Variants in ADAMTSL1 observed in about 807,000 individuals in gnomAD.
ADAMTSL1 encodes ADAMTS-like protein 1.
Under a neutral mutation model 201.8 loss-of-function variants are expected in ADAMTSL1, and 126 were observed. That is an observed-to-expected ratio of 0.62 (90% CI 0.54 to 0.72). The LOEUF (loss-of-function observed/expected upper bound fraction) is 0.72. ADAMTSL1 is among the 30% of genes least tolerant of loss of function. ADAMTSL1 has a pLI of 0.00. For synonymous variants in ADAMTSL1, 1,121 were observed against 903.4 expected (o/e 1.24, Z -4.32); for missense variants, 2,679 against 2,277.8 (o/e 1.18, Z -3.59).
chr9:18,822,205 C>A (rs1824253797), intron 21 of ADAMTSL1, among the ~76,000 whole-genome samples: 1 of 152,122 alleles, frequency 6.6e-6, no homozygotes, highest in African/African-American at 2.4e-5. Flanking sequence ...TATTTTCTGT[C>A]ATTTTCAGGT....
At chr9:18,681,714 G>GGGGGGGAA (rs1564146020) in intron 11 of ADAMTSL1, 98 bp from the exon 12 acceptor site, 2 of 884,496 alleles carry the variant, frequency 2.3e-6, no homozygotes, top group African/African-American at 3.3e-5. Context: ...GGGGGGCGGG[G>GGGGGGGAA]AAAAAGAAAA....
chr9:18,028,910 ATTTG>A (rs1303967684), intron 1 of ADAMTSL1, among the ~76,000 whole-genome samples: 1 of 152,092 alleles, frequency 6.6e-6, no homozygotes, highest in African/African-American at 2.4e-5. Flanking sequence ...ATGGTCTTCC[ATTTG>A]TTTGTGTCGT....
intron 2 of ADAMTSL1, among the ~76,000 whole-genome samples, chr9:18,321,136 A>C (rs879344547): frequency 6.6e-6 from 1 of 152,220 alleles, no homozygotes; most frequent in Non-Finnish European, 1.5e-5. Flanking sequence ...CATGCAGACA[A>C]GTAAGCATGA....
chr9:18,265,708 G>T (rs1832094582), intron 2 of ADAMTSL1, among the ~76,000 whole-genome samples: 1 of 152,016 alleles, frequency 6.6e-6, no homozygotes, highest in Non-Finnish European at 1.5e-5. Context: ...AGAAATTTTT[G>T]CCAAAAATGT....
In ADAMTSL1 at chr9:18,728,049, C is replaced by T. The variant is rs913119254; in HGVS notation, c.2006+6384C>T. Among the ~76,000 whole-genome samples, 4 of 151,766 alleles carry T rather than the reference C, an allele frequency of 2.6e-5. No individual in the cohort carries two copies. In the East Asian group the frequency reaches 7.7e-4, roughly 29 times the overall value. The stretch of plus-strand genomic sequence containing the variant: ...GAGCCAAGATCATGCCATTGCACTC[C>T]AGCCTGGGCAACAGAGTGAGACTCT... On this transcript the variant is annotated intron_variant, in intron 15 of 28. Transcript: ENST00000380548.
intron 20 of ADAMTSL1, 144 bp downstream of exon 20, chr9:18,795,668 C>T (rs1435399401): frequency 9.9e-6 from 9 of 909,682 alleles, no homozygotes; most frequent in Non-Finnish European, 8.2e-6. Context: ...ATTACAACAG[C>T]AGTGTAGTAT....
rs1191582262 is a variant in ADAMTSL1 at position 18,777,702 on chromosome 9, G to C, written c.3473G>C (p.Arg1158Pro). Residue 1158 changes from arginine (R) to proline (P), a missense_variant, in exon 19 of 29, where the codon CGA becomes CCA. By Grantham distance (103) the Arg-to-Pro change is moderately radical. Coordinates refer to ENST00000380548, the MANE Select transcript of ADAMTSL1 (RefSeq NM_001040272.6). ...SSTGDAGGGS[R>P]RPHRKPTILR... is the part of the protein sequence containing the mutation. Reference sequence around the variant, plus strand: ...ACCGGGGACGCCGGGGGAGGCTCTCGAAGGCCACACCGCAAGCCCACCATC... The same window carrying C: ...ACCGGGGACGCCGGGGGAGGCTCTCCAAGGCCACACCGCAAGCCCACCATC... 8.7e-6 allele frequency: 14 copies of C among 1,613,190 alleles called. No homozygotes were observed. Among genetic ancestry groups the C allele is most frequent in the East Asian group, 2.2e-5 (1 of 44,870 alleles).
chr9:18,679,045 T>G (rs1025486456), intron 10 of ADAMTSL1, among the ~76,000 whole-genome samples: 1 of 152,156 alleles, frequency 6.6e-6, no homozygotes, highest in East Asian at 1.9e-4. Flanking sequence ...GGCAGGCAGA[T>G]AACAGTTGTT....
intron 2 of ADAMTSL1, among the ~76,000 whole-genome samples, chr9:18,210,388 CGCT>C (rs1829817863): frequency 3.2e-5 from 1 of 31,652 alleles, no homozygotes; most frequent in Admixed American, 5.7e-4. Context: ...CACACATATA[CGCT>C]AATATTATAT....
At chr9:17,932,687 A>G (rs1826844286) in intron 1 of ADAMTSL1, among the ~76,000 whole-genome samples, 1 of 152,132 alleles carries the variant, frequency 6.6e-6, no homozygotes, top group Admixed American at 6.6e-5. Context: ...GGTGGGGATA[A>G]ATATATTCCC....
At chr9:18,504,470 C>T (rs959437209) in intron 1 of ADAMTSL1, among the ~76,000 whole-genome samples, 15 of 152,216 alleles carry the variant, frequency 9.9e-5, no homozygotes, top group Non-Finnish European at 1.5e-5. Flanking sequence ...CTGAGAGCAG[C>T]TTCTTTCCTT....
intron 4 of ADAMTSL1, among the ~76,000 whole-genome samples, chr9:18,619,762 A>G (rs1189429065): frequency 6.6e-6 from 1 of 152,164 alleles, no homozygotes; most frequent in Non-Finnish European, 1.5e-5. Flanking sequence ...AAATCCTTTG[A>G]GAAACCTGAA....
intron 4 of ADAMTSL1, among the ~76,000 whole-genome samples, chr9:18,600,125 T>C (rs1180649977): frequency 1.3e-5 from 2 of 152,106 alleles, no homozygotes; most frequent in Non-Finnish European, 2.9e-5. Context: ...GGGGCCTCTT[T>C]CACTCACTGC....
chr9:18,018,219 G>A (rs1820336922), intron 1 of ADAMTSL1, among the ~76,000 whole-genome samples: 1 of 152,084 alleles, frequency 6.6e-6, no homozygotes. Flanking sequence ...AGTGGTGATA[G>A]TACTTATATT....
At chr9:17,922,370 A>G (rs983546528) in intron 1 of ADAMTSL1, among the ~76,000 whole-genome samples, 3 of 152,114 alleles carry the variant, frequency 2.0e-5, no homozygotes, top group South Asian at 4.1e-4. Flanking sequence ...CAGTTGTGCT[A>G]TGTTGCATAA....
intron 2 of ADAMTSL1, among the ~76,000 whole-genome samples, chr9:18,238,683 CT>C (rs1282775627): frequency 2.0e-5 from 3 of 152,114 alleles, no homozygotes; most frequent in Admixed American, 6.6e-5. Flanking sequence ...AATGACATAA[CT>C]TTTTTTCTTT....
intron 23 of ADAMTSL1, among the ~76,000 whole-genome samples, chr9:18,850,604 C>T (rs776357123): frequency 1.2e-4 from 18 of 152,208 alleles, no homozygotes; most frequent in Non-Finnish European, 2.4e-4. Flanking sequence ...TTTCCAAATC[C>T]TCAGCATCTG....
intron 2 of ADAMTSL1, among the ~76,000 whole-genome samples, chr9:18,336,796 C>A (rs1356374441): frequency 1.3e-5 from 2 of 152,018 alleles, no homozygotes; most frequent in Non-Finnish European, 2.9e-5. Context: ...CTATTTTTGT[C>A]TATTTATAAA....
chr9:18,513,470 C>G (rs1587422245), intron 2 of ADAMTSL1, among the ~76,000 whole-genome samples: 1 of 152,088 alleles, frequency 6.6e-6, no homozygotes, highest in Non-Finnish European at 1.5e-5. Context: ...GTTGTTCTTT[C>G]CCTTGCCGTG....
Sources: gnomAD v4.1 joint callset for allele counts (sites outside exome capture counted in the v4.1 genomes callset) on GRCh38, gnomAD v4.1.1 for gene constraint, MANE v1.5 for transcripts, NCBI Gene and HGNC (gene_info 2026-07-23, HGNC 2026-07-21) for gene names.